Variants in PLCH2 observed in about 807,000 individuals in gnomAD.
The protein encoded by PLCH2 is 1-phosphatidylinositol 4,5-bisphosphate phosphodiesterase eta-2.
In PLCH2, 98 loss-of-function variants were observed where a neutral mutation model predicts 134.7. The observed-to-expected ratio is 0.73, with a 90% CI of 0.62 to 0.86. The LOEUF (loss-of-function observed/expected upper bound fraction) is 0.86. PLCH2 is among the 40% of genes least tolerant of loss of function. PLCH2 has a pLI of 0.00. For synonymous variants in PLCH2, 974 were observed against 827.5 expected, an observed-to-expected ratio of 1.18 and a Z score of -3.04; for missense variants, 1,994 against 1,986.6, an observed-to-expected ratio of 1.00 and a Z score of -0.07.
intron 4 of PLCH2, among the ~76,000 whole-genome samples, chr1:2,483,762 T>TGTGGGGGGCGCTGACTCCCG (rs1558004563): frequency 9.1e-6 from 1 of 109,802 alleles, no homozygotes; most frequent in African/African-American, 3.4e-5. Context: ...TTGACCCCCG[T>TGTGGGGGGCGCTGACTCCCG]TTGGGGGGGC....
At chr1:2,480,550 C>A (rs889905047) in intron 4 of PLCH2, among the ~76,000 whole-genome samples, 17 of 151,756 alleles carry the variant, frequency 1.1e-4, no homozygotes, top group Admixed American at 9.8e-4. Flanking sequence ...CCGGGGGCTG[C>A]TCTGCCAGCT....
chr1:2,479,195 G>C (rs932486139), intron 2 of PLCH2: 12 of 166,762 alleles, frequency 7.2e-5, no homozygotes, highest in Admixed American at 6.6e-4. Flanking sequence ...TGATGGTCAG[G>C]ACCCAGGCAT....
intron 11 of PLCH2, chr1:2,494,424 G>C: frequency 4.0e-6 from 1 of 249,510 alleles, no homozygotes; most frequent in South Asian, 4.3e-5. Flanking sequence ...CGCACTGCGG[G>C]AACAGGTCAG....
At chr1:2,487,567 C>G (rs766790073) in intron 7 of PLCH2, 31 bp from the exon 8 acceptor site, 12 of 1,602,064 alleles carry the variant, frequency 7.5e-6, no homozygotes, top group Middle Eastern at 1.7e-4. Context: ...GGCTAGGCCC[C>G]TGGGGCTGAC....
chr1:2,502,732 C>A (rs181061314), intron 21 of PLCH2: 9 of 715,556 alleles, frequency 1.3e-5, no homozygotes, highest in Non-Finnish European at 2.3e-5. Flanking sequence ...AGGGTCCAGG[C>A]GGTAGCGGCT....
intron 1 of PLCH2, among the ~76,000 whole-genome samples, chr1:2,467,899 C>T (rs1641143027): frequency 6.6e-6 from 1 of 152,192 alleles, no homozygotes; most frequent in Non-Finnish European, 1.5e-5. Context: ...GCCCCCACCC[C>T]TTGGCGCCCC....
intron 11 of PLCH2, among the ~76,000 whole-genome samples, chr1:2,494,150 T>C (rs1238981523): frequency 8.6e-5 from 13 of 151,950 alleles, no homozygotes; most frequent in Non-Finnish European, 2.9e-5. Flanking sequence ...AGCTGGGCCA[T>C]GTTTTGGAGG....
chr1:2,497,222 G>T (rs1465954875), intron 15 of PLCH2, among the ~76,000 whole-genome samples: 2 of 152,264 alleles, frequency 1.3e-5, no homozygotes, highest in African/African-American at 4.8e-5. Flanking sequence ...CAGGCCTTGT[G>T]GGGGATGTGG....
chr1:2,452,950 C>T (rs547528059), intron 2 of PLCH2, among the ~76,000 whole-genome samples: 4 of 152,328 alleles, frequency 2.6e-5, no homozygotes, highest in Non-Finnish European at 4.4e-5. Flanking sequence ...CGGGAAGTCC[C>T]GGCTCACCCC....
At position 2,496,680 on chromosome 1, in the gene PLCH2, G is replaced by A; in HGVS notation, c.1909G>A (p.Ala637Thr). ...SDLVKYTKSV[A>T]THDIEMEAAS... Reference sequence around the variant, plus strand: ...CCTGGTGAAGTACACCAAGTCCGTGGCCACCCACGACATAGAGATGGAGGG... The same window carrying A: ...CCTGGTGAAGTACACCAAGTCCGTGACCACCCACGACATAGAGATGGAGGG... Residue 637 changes from alanine (A) to threonine (T), a missense_variant, in exon 14 of 22, where the codon GCC (alanine) becomes ACC (threonine). This residue lies in a region of PLCH2 where 1,094 missense variants were observed against 1,234.3 expected (regional missense o/e 0.89). Coordinates refer to ENST00000378486, the MANE Select transcript of PLCH2 (RefSeq NM_014638.4). 1 of 1,611,946 alleles carries A rather than the reference G, an allele frequency of 6.2e-7. No individual in the cohort carries two copies.
At chr1:2,475,817 G>T (rs1268925081), upstream of PLCH2, among the ~76,000 whole-genome samples, 1 of 152,136 alleles carries the variant, frequency 6.6e-6, no homozygotes, top group Non-Finnish European at 1.5e-5. Context: ...GGGAGTTGTC[G>T]CTGTAAGGGA....
At chr1:2,455,097 A>T (rs1640425851) in intron 2 of PLCH2, among the ~76,000 whole-genome samples, 2 of 152,118 alleles carry the variant, frequency 1.3e-5, no homozygotes, top group Non-Finnish European at 2.9e-5. Context: ...CATGATGCTG[A>T]GCCCCCAGCG....
At chr1:2,466,764 G>A (rs999598132), upstream of PLCH2, among the ~76,000 whole-genome samples, 4 of 152,230 alleles carry the variant, frequency 2.6e-5, no homozygotes, top group African/African-American at 7.2e-5. Flanking sequence ...TGGGAGCAGC[G>A]CGTGCAGGGG....
intron 4 of PLCH2, among the ~76,000 whole-genome samples, chr1:2,481,282 T>G (rs1641957114): frequency 6.6e-6 from 1 of 152,212 alleles, no homozygotes; most frequent in Non-Finnish European, 1.5e-5. Context: ...GCTGGGTGCT[T>G]GCAGACACTC....
At chr1:2,467,503 T>G in exon 1 of PLCH2, 1 of 397,068 alleles carries the variant, frequency 2.5e-6, no homozygotes, top group Non-Finnish European at 4.4e-6. Context: ...GCGATCGGCA[T>G]GGGCTCTGCG....
intron 2 of PLCH2, among the ~76,000 whole-genome samples, chr1:2,454,282 C>G (rs1226347062): frequency 3.3e-5 from 5 of 152,208 alleles, no homozygotes; most frequent in Admixed American, 6.5e-5. Flanking sequence ...CCCCGCCCAC[C>G]ATGCCCGACT....
rs141525485 is a variant in PLCH2 at position 2,439,618 on chromosome 1, C to G, written c.115+8989C>G. ...TCTGCAGTGCTCAGCTGTGCCTCTC[C>G]GGGCTGTCTGTCCTCCATGGTGACC... On this transcript the variant is annotated intron_variant, in intron 2 of 3. Coordinates refer to the PLCH2 transcript ENST00000609981. The surrounding 1 kb of genome is among the most constrained non-coding windows in gnomAD (Gnocchi z 4.7). 1.3e-5 allele frequency among the ~76,000 whole-genome samples: 2 copies of G among 152,228 alleles called. No individual in the cohort carries two copies. Among genetic ancestry groups the G allele is most frequent in the African/African-American group, 4.8e-5 (2 of 41,464 alleles).
rs1642036544 is a variant in PLCH2 at position 2,482,643 on chromosome 1, G to C, written c.646-1805G>C. On this transcript the variant is annotated intron_variant, in intron 4 of 21. Coordinates refer to ENST00000378486, the MANE Select transcript of PLCH2 (RefSeq NM_014638.4). ...CGTGTGGCAGCCAGGGCTCTGCCCTGGGGACAGGGACAAAGGGGCTGATGG... is the reference window on the plus strand; with the variant it reads ...CGTGTGGCAGCCAGGGCTCTGCCCTCGGGACAGGGACAAAGGGGCTGATGG... Among the ~76,000 whole-genome samples, 2 of 152,094 alleles carry C rather than the reference G, an allele frequency of 1.3e-5. 1 individual carries two copies. Among genetic ancestry groups the C allele is most frequent in the South Asian group, 4.1e-4 (2 of 4,828 alleles).
At position 2,504,461 on chromosome 1, in the gene PLCH2, C is replaced by T. The variant is rs371812903; in HGVS notation, c.3499C>T (p.Arg1167Cys). Reference sequence around the variant, plus strand: ...CTCCCTGCCCAGCCTGGGCCTGGGCCGCAGCCGTGAGAACCTCGCTGGAGC... The same window carrying T: ...CTCCCTGCCCAGCCTGGGCCTGGGCTGCAGCCGTGAGAACCTCGCTGGAGC... Reference protein sequence around the residue: ...DLSLPSLGLGRSRENLAGAHM... With the variant: ...DLSLPSLGLGCSRENLAGAHM... The change falls in exon 22 of 22, where the codon CGC becomes TGC. Residue 1167 changes from arginine to cysteine, a missense_variant. By Grantham distance (180) the Arg-to-Cys change is radical (BLOSUM62 -3). Around this residue, in one of 2 missense-constraint regions of PLCH2, gnomAD observed 900 missense variants for 752.3 expected, o/e 1.20. Transcript: ENST00000378486. The T allele has an allele frequency of 7.1e-5, 114 of 1,612,426 alleles. 1 individual carries two copies. The highest frequency in any genetic ancestry group is 9.1e-5 in the Non-Finnish European group (107 of 1,179,716).
Sources: allele counts gnomAD v4.1 joint callset (sites outside exome capture counted in the v4.1 genomes callset), GRCh38; gene constraint gnomAD v4.1.1; regional missense constraint gnomAD v4.1.1; non-coding constraint Gnocchi (gnomAD v3.1); transcripts MANE v1.5; gene names NCBI Gene and HGNC (gene_info 2026-07-23, HGNC 2026-07-21).